SLC5A3: variants seen among roughly 807,000 people sequenced by gnomAD.
SLC5A3 encodes sodium/myo-inositol cotransporter.
SLC5A3 carries 10 observed loss-of-function variants against 43.2 expected under a neutral mutation model. That is an observed-to-expected ratio of 0.23 (90% CI 0.14 to 0.39). The LOEUF (loss-of-function observed/expected upper bound fraction) is 0.39. Ranked by LOEUF, SLC5A3 falls within the 10% of genes least tolerant of loss-of-function variation. SLC5A3 has a pLI of 1.00. For missense variants in SLC5A3, 608 were observed against 893.4 expected, an observed-to-expected ratio of 0.68 and a Z score of 4.07; for synonymous variants, 349 against 322.0, an observed-to-expected ratio of 1.08 and a Z score of -0.90.
chr21:34,088,668 A>G (rs1307278959), intron 1 of SLC5A3, among the ~76,000 whole-genome samples: 1 of 152,232 alleles, frequency 6.6e-6, no homozygotes, highest in Non-Finnish European at 1.5e-5. Context: ...CTGTTTAGAC[A>G]TATAGATGTG....
chr21:34,103,116 T>C lies in SLC5A3; in HGVS notation c.*5761T>C. ...TAATTGGAAACAGAAACGAGGCTTA[T>C]TGCTATTGCAGAAATCCCAAACTGG... On this transcript the variant is annotated 3_prime_UTR_variant, in exon 2 of 2. Coordinates refer to ENST00000381151, the MANE Select transcript of SLC5A3 (RefSeq NM_006933.7). 2.0e-6 allele frequency: 2 copies of C among 1,000,132 alleles called. No homozygotes were observed. Among genetic ancestry groups the C allele is most frequent in the Non-Finnish European group, 2.4e-6 (2 of 829,930 alleles). The allele number at this position is 1,000,132 out of a possible 1,614,324, so 62.0% of individuals were successfully genotyped here.
rs998979780 is a variant in SLC5A3 at position 34,101,349 on chromosome 21, G to C, written c.*3994G>C. ...TTTTTAAACCCTGGTTTGATGTTAAGCATTATAAAGTACGAAGTTTGTTAC... is the reference window on the plus strand; with the variant it reads ...TTTTTAAACCCTGGTTTGATGTTAACCATTATAAAGTACGAAGTTTGTTAC... On this transcript the variant is annotated 3_prime_UTR_variant, in exon 2 of 2. Coordinates refer to ENST00000381151, the MANE Select transcript of SLC5A3 (RefSeq NM_006933.7). 2.0e-6 allele frequency: 2 copies of C among 999,954 alleles called. No homozygotes were observed. The highest frequency in any genetic ancestry group is 3.5e-5 in the African/African-American group (2 of 57,190). 61.9% of individuals were successfully genotyped at this position (999,954 alleles called of 1,614,324 possible).
At chr21:34,077,913 C>G (rs1989372064) in intron 1 of SLC5A3, among the ~76,000 whole-genome samples, 1 of 152,120 alleles carries the variant, frequency 6.6e-6, no homozygotes, top group Admixed American at 6.5e-5. Context: ...TGTATTTGTT[C>G]TAGAGTTCTA....
intron 1 of SLC5A3, among the ~76,000 whole-genome samples, chr21:34,093,578 T>C (rs1978817773): frequency 6.6e-6 from 1 of 151,670 alleles, no homozygotes; most frequent in African/African-American, 2.4e-5. Context: ...GGAAAATGCC[T>C]AGAATCATCA....
At position 34,097,363 on chromosome 21, in the gene SLC5A3, G is replaced by A. The variant is rs781602182; in HGVS notation, c.*8G>A. On this transcript the variant is annotated 3_prime_UTR_variant, in exon 2 of 2. Transcript: ENST00000381151. ...GTTTATTTCTCCTTATGAACTTAAG[G>A]ATATGGTGAGACACTAACTTAAGAC... 5 of 1,581,330 alleles carry A rather than the reference G, an allele frequency of 3.2e-6. 1 individual carries two copies. In the Admixed American group the frequency reaches 9.0e-5, roughly 28 times the overall value.
At chr21:34,089,215 T>G (rs1485325440) in intron 1 of SLC5A3, among the ~76,000 whole-genome samples, 1 of 151,550 alleles carries the variant, frequency 6.6e-6, no homozygotes, top group African/African-American at 2.4e-5. Context: ...TTTTTAGAGA[T>G]GAGGTTTGGC....
Position 34,098,372 on chromosome 21 carries a change from A to G in SLC5A3, c.*1017A>G. 3.0e-6 allele frequency: 3 copies of G among 1,000,260 alleles called. No individual in the cohort carries two copies. Among genetic ancestry groups the G allele is most frequent in the Non-Finnish European group, 2.4e-6 (2 of 829,984 alleles). 62.0% of individuals were successfully genotyped at this position (1,000,260 alleles called of 1,614,324 possible). A position where few individuals can be genotyped will look rare whatever the true frequency, so the allele number is the denominator to read the frequency against. ...CTGCCTTTGTGTGCTGGATTGCTCTACTTGATTAGATCATGATATATCAAG... is the reference window on the plus strand; with the variant it reads ...CTGCCTTTGTGTGCTGGATTGCTCTGCTTGATTAGATCATGATATATCAAG... On this transcript the variant is annotated 3_prime_UTR_variant, in exon 2 of 2. Transcript: ENST00000381151.
At position 34,105,796 on chromosome 21, in the gene SLC5A3, T is replaced by C. The variant is rs1373396398; in HGVS notation, c.*8441T>C. 1.0e-6 allele frequency: 1 copy of C among 996,160 alleles called. No homozygotes were observed. The highest frequency in any genetic ancestry group is 1.2e-6 in the Non-Finnish European group (1 of 826,336). The allele number at this position is 996,160 out of a possible 1,614,324, so 61.7% of individuals were successfully genotyped here. A position where few individuals can be genotyped will look rare whatever the true frequency, so the allele number is the denominator to read the frequency against. The stretch of plus-strand genomic sequence containing the variant: ...TGTATCCATCTCATTGTACAGTGTT[T>C]TAGTTGCAAGCAGAAAGTAGAATTT... On this transcript the variant is annotated 3_prime_UTR_variant, in exon 2 of 2. Coordinates refer to ENST00000381151, the MANE Select transcript of SLC5A3 (RefSeq NM_006933.7).
At chr21:34,083,378 A>G (rs1315579436) in intron 1 of SLC5A3, among the ~76,000 whole-genome samples, 2 of 152,216 alleles carry the variant, frequency 1.3e-5, no homozygotes, top group African/African-American at 4.8e-5. Context: ...TGCCCCGTGT[A>G]TGAATTCCGA....
In SLC5A3 at chr21:34,106,154, A is replaced by G; in HGVS notation, c.*8799A>G. On this transcript the variant is annotated 3_prime_UTR_variant, in exon 2 of 2. Transcript: ENST00000381151. ...ACTTAAGATGAACTACATTTCTTGCAAAGTACATTCCTTTCTGTGGTATTT... is the reference window on the plus strand; with the variant it reads ...ACTTAAGATGAACTACATTTCTTGCGAAGTACATTCCTTTCTGTGGTATTT... The G allele has an allele frequency of 3.0e-6, 3 of 993,130 alleles. No individual in the cohort carries two copies. Among genetic ancestry groups the G allele is most frequent in the Non-Finnish European group, 3.6e-6 (3 of 823,380 alleles). 61.5% of individuals were successfully genotyped at this position (993,130 alleles called of 1,614,324 possible). A position where few individuals can be genotyped will look rare whatever the true frequency, so the allele number is the denominator to read the frequency against.
rs568122707 is a variant in SLC5A3, at chr21:34,103,024, A to G, written c.*5669A>G. 5.0e-6 allele frequency: 5 copies of G among 999,906 alleles called. No homozygotes were observed. The highest frequency in any genetic ancestry group is 3.5e-5 in the African/African-American group (2 of 57,340). The allele number at this position is 999,906 out of a possible 1,614,324, so 61.9% of individuals were successfully genotyped here. On this transcript the variant is annotated 3_prime_UTR_variant, in exon 2 of 2. Transcript: ENST00000381151. ...GACAGAGTAGTCTAGATAAGTTTTC[A>G]ATTTATCAACATAGCCTAGACTTCT...
At chr21:34,077,568 CATTT>C (rs1279910367) in intron 1 of SLC5A3, among the ~76,000 whole-genome samples, 1 of 152,014 alleles carries the variant, frequency 6.6e-6, no homozygotes, top group Non-Finnish European at 1.5e-5. Context: ...AATAAGATAG[CATTT>C]ATATATATAT....
rs1979371620 is a variant in SLC5A3, at chr21:34,104,158, A to G, written c.*6803A>G. 1 of 999,870 alleles carries G rather than the reference A, an allele frequency of 1.0e-6. No individual in the cohort carries two copies. The highest frequency in any genetic ancestry group is 1.2e-6 in the Non-Finnish European group (1 of 829,936). 61.9% of individuals were successfully genotyped at this position (999,870 alleles called of 1,614,324 possible). On this transcript the variant is annotated 3_prime_UTR_variant, in exon 2 of 2. Transcript: ENST00000381151. ...CCTATACTTGACTGTGCTTCATTTTAATAAAGGATAATTTGATCTGAGTGT... is the reference window on the plus strand; with the variant it reads ...CCTATACTTGACTGTGCTTCATTTTGATAAAGGATAATTTGATCTGAGTGT...
At chr21:34,092,832 G>A (rs1460766514) in intron 1 of SLC5A3, among the ~76,000 whole-genome samples, 2 of 152,110 alleles carry the variant, frequency 1.3e-5, no homozygotes, top group Non-Finnish European at 2.9e-5. Context: ...TGGAAAGCAC[G>A]TGGTTGCTAC....
Position 34,098,513 on chromosome 21 carries a change from T to C in SLC5A3, c.*1158T>C. 1 of 1,000,314 alleles carries C rather than the reference T, an allele frequency of 1.0e-6. No homozygotes were observed. Among genetic ancestry groups the C allele is most frequent in the Non-Finnish European group, 1.2e-6 (1 of 830,012 alleles). 62.0% of individuals were successfully genotyped at this position (1,000,314 alleles called of 1,614,324 possible). ...CCATCTGTACACAGCCTCTACATTTTTGTTGTAGTGACTTAGAGCATAAGG... is the reference window on the plus strand; with the variant it reads ...CCATCTGTACACAGCCTCTACATTTCTGTTGTAGTGACTTAGAGCATAAGG... On this transcript the variant is annotated 3_prime_UTR_variant, in exon 2 of 2. Coordinates refer to ENST00000381151, the MANE Select transcript of SLC5A3 (RefSeq NM_006933.7).
rs754253621 is a variant in SLC5A3, at chr21:34,101,375, C to A, written c.*4020C>A. 5.0e-6 allele frequency: 5 copies of A among 1,000,068 alleles called. No individual in the cohort carries two copies. The highest frequency in any genetic ancestry group is 6.0e-6 in the Non-Finnish European group (5 of 829,902). 61.9% of individuals were successfully genotyped at this position (1,000,068 alleles called of 1,614,324 possible). The stretch of plus-strand genomic sequence containing the variant: ...CATTATAAAGTACGAAGTTTGTTAC[C>A]ACAGTAGAGATAATTTAGTAGAAAA... On this transcript the variant is annotated 3_prime_UTR_variant, in exon 2 of 2. Coordinates refer to ENST00000381151, the MANE Select transcript of SLC5A3 (RefSeq NM_006933.7).
chr21:34,076,628 A>T (rs540428701), intron 1 of SLC5A3, among the ~76,000 whole-genome samples: 1 of 152,320 alleles, frequency 6.6e-6, no homozygotes, highest in South Asian at 2.1e-4. Flanking sequence ...CTTGATTTTT[A>T]AAAAAGTGTG....
At position 34,100,896 on chromosome 21, in the gene SLC5A3, A is replaced by G; in HGVS notation, c.*3541A>G. 1.0e-6 allele frequency: 1 copy of G among 1,000,140 alleles called. No homozygotes were observed. The highest frequency in any genetic ancestry group is 1.2e-6 in the Non-Finnish European group (1 of 829,962). 62.0% of individuals were successfully genotyped at this position (1,000,140 alleles called of 1,614,324 possible). On this transcript the variant is annotated 3_prime_UTR_variant, in exon 2 of 2. Transcript: ENST00000381151. Reference sequence around the variant, plus strand: ...TAGCTACTCAGTTACTTGCTACTCAAAGGTTAGGTCTTCCCTGTTCCTGCT... The same window carrying G: ...TAGCTACTCAGTTACTTGCTACTCAGAGGTTAGGTCTTCCCTGTTCCTGCT...
rs950667135 is a variant in SLC5A3, at chr21:34,099,033, T to C, written c.*1678T>C. The stretch of plus-strand genomic sequence containing the variant: ...TGTAGTCTATAAACTAGTTTCATTA[T>C]GATGGACTTGATTAGTCCAAAGTTA... On this transcript the variant is annotated 3_prime_UTR_variant, in exon 2 of 2. Coordinates refer to ENST00000381151, the MANE Select transcript of SLC5A3 (RefSeq NM_006933.7). 3.0e-6 allele frequency: 3 copies of C among 990,064 alleles called. No individual in the cohort carries two copies. The highest frequency in any genetic ancestry group is 3.5e-5 in the African/African-American group (2 of 57,072). 61.3% of individuals were successfully genotyped at this position (990,064 alleles called of 1,614,324 possible).
Sources: allele counts gnomAD v4.1 joint callset (sites outside exome capture counted in the v4.1 genomes callset), GRCh38; gene constraint gnomAD v4.1.1; transcripts MANE v1.5; gene names NCBI Gene and HGNC (gene_info 2026-07-23, HGNC 2026-07-21).